GRIA1: variants seen among roughly 807,000 people sequenced by gnomAD.
GRIA1 encodes the protein glutamate ionotropic receptor AMPA type subunit 1.
GRIA1 carries 31 observed loss-of-function variants against 99.2 expected under a neutral mutation model. That is an observed-to-expected ratio of 0.31 (90% CI 0.23 to 0.42). GRIA1 has a LOEUF of 0.42. Ranked by LOEUF, GRIA1 falls within the 10% of genes least tolerant of loss-of-function variation. The pLI, the probability that GRIA1 is intolerant of heterozygous loss-of-function variation, is 1.00. For synonymous variants in GRIA1, 438 were observed against 432.4 expected (o/e 1.01, Z -0.16); for missense variants, 782 against 1,157.5 (o/e 0.68, Z 4.71).
intron 2 of GRIA1, among the ~76,000 whole-genome samples, chr5:153,612,388 G>T (rs1027496420): frequency 6.6e-6 from 1 of 152,190 alleles, no homozygotes; most frequent in Non-Finnish European, 1.5e-5. Flanking sequence ...GAAAATATGG[G>T]CTTGGAAATC....
intron 2 of GRIA1, among the ~76,000 whole-genome samples, chr5:153,583,821 G>A (rs145022741): frequency 1.6e-3 from 246 of 152,244 alleles, no homozygotes; most frequent in African/African-American, 5.8e-3. Flanking sequence ...GAGAGAAACT[G>A]AGGGCTGGGA....
chr5:153,518,609 T>C lies in GRIA1; in HGVS notation c.220+24544T>C, dbSNP rs562293587. Reference sequence around the variant, plus strand: ...TCAGGATTAAAAGTATGATAATGTATATTATTAATCATGTGTATACATGTA... The same window carrying C: ...TCAGGATTAAAAGTATGATAATGTACATTATTAATCATGTGTATACATGTA... On this transcript the variant is annotated intron_variant, in intron 2 of 15. Transcript: ENST00000285900. Among the ~76,000 whole-genome samples the C allele has an allele frequency of 2.2e-3, 333 of 152,330 alleles. 4 individuals are homozygous for C. The highest frequency in any genetic ancestry group is 3.2e-3 in the Non-Finnish European group (218 of 68,026).
intron 2 of GRIA1, among the ~76,000 whole-genome samples, chr5:153,628,635 C>T (rs892850184): frequency 6.6e-6 from 1 of 152,170 alleles, no homozygotes; most frequent in Non-Finnish European, 1.5e-5. Context: ...ACGAAATGCA[C>T]CTACAACTTC....
At chr5:153,657,510 T>C (rs1164275331) in intron 5 of GRIA1, among the ~76,000 whole-genome samples, 1 of 152,214 alleles carries the variant, frequency 6.6e-6, no homozygotes, top group African/African-American at 2.4e-5. Context: ...ACCATGTTAT[T>C]TTGTGTTGAT....
chr5:153,586,746 C>T (rs1160382298), intron 2 of GRIA1, among the ~76,000 whole-genome samples: 27 of 152,114 alleles, frequency 1.8e-4, no homozygotes, highest in Admixed American at 1.8e-3. Context: ...GCCAAAGTTG[C>T]TTCCCACCTG....
chr5:153,513,316 C>A (rs1422714368), intron 2 of GRIA1, among the ~76,000 whole-genome samples: 1 of 152,024 alleles, frequency 6.6e-6, no homozygotes, highest in African/African-American at 2.4e-5. Context: ...GGCCCTGTGC[C>A]CAGCCTCCTT....
chr5:153,799,241 A>G (rs893221655), intron 14 of GRIA1, among the ~76,000 whole-genome samples: 1 of 152,178 alleles, frequency 6.6e-6, no homozygotes, highest in Non-Finnish European at 1.5e-5. Flanking sequence ...GTAGCTGTTT[A>G]TACACAGATC....
chr5:153,731,224 C>G lies in GRIA1; in HGVS notation c.1823+25157C>G, dbSNP rs1216883464. Among the ~76,000 whole-genome samples the G allele has an allele frequency of 4.6e-5, 7 of 151,580 alleles. 1 individual carries two copies. In the South Asian group the frequency reaches 1.5e-3, roughly 32 times the overall value. On this transcript the variant is annotated intron_variant, in intron 11 of 15. Coordinates refer to ENST00000285900, the MANE Select transcript of GRIA1 (RefSeq NM_000827.4). ...TCTCTCTCTCTTTCTCTCTGTCTCT[C>G]TTTCTCTCTCTCTCTCTCTCCATCT...
intron 5 of GRIA1, among the ~76,000 whole-genome samples, chr5:153,658,945 A>C (rs2149468453): frequency 6.6e-6 from 1 of 152,036 alleles, no homozygotes; most frequent in South Asian, 2.1e-4. Context: ...TAGAGAAGAC[A>C]ACTTATAGGC....
chr5:153,727,047 T>A (rs368229794), intron 11 of GRIA1, among the ~76,000 whole-genome samples: 2 of 152,128 alleles, frequency 1.3e-5, no homozygotes, highest in Admixed American at 1.3e-4. Flanking sequence ...CATGATCAAG[T>A]GGGCTTCATC....
At position 153,530,763 on chromosome 5, in the gene GRIA1, A is replaced by G. The variant is rs572556811; in HGVS notation, c.220+36698A>G. Among the ~76,000 whole-genome samples, 23 of 152,360 alleles carry G rather than the reference A, an allele frequency of 1.5e-4. No homozygotes were observed. The South Asian group carries it at 4.3e-3, about 29-fold the overall frequency. Reference sequence around the variant, plus strand: ...CCTTCTTTCTGGGCAGGAAAAGCTCACTGCACAGGTGATAGACACTGAAGG... The same window carrying G: ...CCTTCTTTCTGGGCAGGAAAAGCTCGCTGCACAGGTGATAGACACTGAAGG... On this transcript the variant is annotated intron_variant, in intron 2 of 15. Coordinates refer to ENST00000285900, the MANE Select transcript of GRIA1 (RefSeq NM_000827.4).
chr5:153,600,483 A>G (rs537983787), intron 2 of GRIA1, among the ~76,000 whole-genome samples: 1 of 149,776 alleles, frequency 6.7e-6, no homozygotes, highest in South Asian at 2.1e-4. Context: ...TCCAGAATTT[A>G]TTTAGGAAAG....
chr5:153,495,970 A>G (rs146497453), intron 2 of GRIA1, among the ~76,000 whole-genome samples: 1 of 152,346 alleles, frequency 6.6e-6, no homozygotes, highest in Admixed American at 6.5e-5. Context: ...TATTACTTGC[A>G]TAGAGAATCA....
At chr5:153,789,648 C>A (rs1476754998) in intron 13 of GRIA1, among the ~76,000 whole-genome samples, 1 of 152,110 alleles carries the variant, frequency 6.6e-6, no homozygotes, top group African/African-American at 2.4e-5. Flanking sequence ...ATATGTTGTG[C>A]CATCTTTTGC....
At chr5:153,583,742 T>TA (rs1188649701) in intron 2 of GRIA1, among the ~76,000 whole-genome samples, 14 of 152,078 alleles carry the variant, frequency 9.2e-5, no homozygotes, top group South Asian at 2.1e-4. Flanking sequence ...CTGTATTTTT[T>TA]AAAAAAACTC....
At chr5:153,619,999 C>T (rs1042040610) in intron 2 of GRIA1, among the ~76,000 whole-genome samples, 6 of 152,134 alleles carry the variant, frequency 3.9e-5, no homozygotes, top group African/African-American at 1.4e-4. Context: ...TCCTGACATT[C>T]TAGGCTTTTA....
At chr5:153,638,678 G>A (rs1347790807) in intron 2 of GRIA1, among the ~76,000 whole-genome samples, 1 of 152,190 alleles carries the variant, frequency 6.6e-6, no homozygotes, top group Non-Finnish European at 1.5e-5. Context: ...TGTCTTATAT[G>A]AGGCACTTTT....
intron 2 of GRIA1, among the ~76,000 whole-genome samples, chr5:153,552,645 T>C (rs1312222851): frequency 6.6e-6 from 1 of 152,116 alleles, no homozygotes; most frequent in Non-Finnish European, 1.5e-5. Flanking sequence ...GATCAGTTCA[T>C]CTAAGAACCA....
intron 2 of GRIA1, among the ~76,000 whole-genome samples, chr5:153,568,706 A>T (rs1761866441): frequency 6.6e-6 from 1 of 152,066 alleles, no homozygotes; most frequent in Non-Finnish European, 1.5e-5. Flanking sequence ...ACTAATTTGT[A>T]CCTAGCTTAT....
Sources: allele counts gnomAD v4.1 joint callset (sites outside exome capture counted in the v4.1 genomes callset), GRCh38; gene constraint gnomAD v4.1.1; transcripts MANE v1.5; gene names NCBI Gene and HGNC (gene_info 2026-07-23, HGNC 2026-07-21).